MGAT5: variants seen among roughly 807,000 people sequenced by gnomAD.
MGAT5 encodes alpha-1,6-mannosylglycoprotein 6-beta-N-acetylglucosaminyltransferase A.
Under a neutral mutation model 94.3 loss-of-function variants are expected in MGAT5, and 30 were observed. That is an observed-to-expected ratio of 0.32 (90% CI 0.24 to 0.43). The LOEUF (loss-of-function observed/expected upper bound fraction) is 0.43, where lower values mean the gene tolerates loss of function less well. Among genes scored for constraint, MGAT5 ranks in the 20% least tolerant of loss-of-function variants. MGAT5 has a pLI of 1.00. For missense variants in MGAT5, 691 were observed against 905.5 expected, an observed-to-expected ratio of 0.76 and a Z score of 3.04; for synonymous variants, 310 against 322.9, an observed-to-expected ratio of 0.96 and a Z score of 0.43.
chr2:134,248,908 G>C (rs899457074), intron 1 of MGAT5, among the ~76,000 whole-genome samples: 1 of 152,136 alleles, frequency 6.6e-6, no homozygotes, highest in Non-Finnish European at 1.5e-5. Flanking sequence ...CACTCCATTG[G>C]AACTGGGCTG....
chr2:134,191,462 C>A (rs1679147179), intron 1 of MGAT5, among the ~76,000 whole-genome samples: 1 of 152,130 alleles, frequency 6.6e-6, no homozygotes, highest in Non-Finnish European at 1.5e-5. Context: ...CCCCCTACCC[C>A]CCCCACCAGC....
chr2:134,315,252 G>A (rs1320091803), intron 2 of MGAT5, among the ~76,000 whole-genome samples: 1 of 152,042 alleles, frequency 6.6e-6, no homozygotes, highest in Non-Finnish European at 1.5e-5. Context: ...GTGTAAAGGG[G>A]GTGGCATTTC....
intron 4 of MGAT5, chr2:134,320,027 A>G (rs1190453368): frequency 5.0e-6 from 1 of 199,810 alleles, no homozygotes; most frequent in Non-Finnish European, 1.0e-5. Flanking sequence ...CAGCCTGCAT[A>G]GGATCAAAGC....
intron 15 of MGAT5, among the ~76,000 whole-genome samples, chr2:134,445,204 C>T (rs180885491): frequency 2.2e-4 from 34 of 152,304 alleles, no homozygotes; most frequent in Admixed American, 1.9e-3. Context: ...CTCAGCCCCG[C>T]ACCATGTTGC....
chr2:134,286,783 A>G (rs994475676), intron 2 of MGAT5, among the ~76,000 whole-genome samples: 1 of 152,174 alleles, frequency 6.6e-6, no homozygotes, highest in Non-Finnish European at 1.5e-5. Context: ...CATTCGTTGC[A>G]TATAAAATTC....
chr2:134,322,999 T>G (rs1211302745), intron 4 of MGAT5, among the ~76,000 whole-genome samples: 2 of 152,176 alleles, frequency 1.3e-5, no homozygotes, highest in Non-Finnish European at 2.9e-5. Flanking sequence ...AGTCAGTCAC[T>G]AGTGGAATTG....
chr2:134,159,619 G>A (rs1016457499), intron 1 of MGAT5, among the ~76,000 whole-genome samples: 12 of 152,170 alleles, frequency 7.9e-5, no homozygotes, highest in African/African-American at 2.9e-4. Flanking sequence ...GGAGGCTGAG[G>A]CAGGTGGATT....
chr2:134,121,210 G>T (rs1258444472), intron 1 of MGAT5, among the ~76,000 whole-genome samples: 1 of 152,212 alleles, frequency 6.6e-6, no homozygotes, highest in Non-Finnish European at 1.5e-5. Context: ...TCACAGCCGG[G>T]ATTGGGGGCG....
At chr2:134,410,742 C>T (rs950781348) in intron 11 of MGAT5, among the ~76,000 whole-genome samples, 3 of 152,184 alleles carry the variant, frequency 2.0e-5, no homozygotes, top group African/African-American at 7.2e-5. Context: ...CTTGCATTTC[C>T]TCCAAAGCTG....
At chr2:134,442,490 A>G (rs929043197) in intron 15 of MGAT5, among the ~76,000 whole-genome samples, 3 of 152,142 alleles carry the variant, frequency 2.0e-5, no homozygotes, top group Non-Finnish European at 4.4e-5. Context: ...TCACTGACAC[A>G]TGGTGCATCT....
chr2:134,235,687 G>A (rs776032620), intron 1 of MGAT5, among the ~76,000 whole-genome samples: 1 of 151,144 alleles, frequency 6.6e-6, no homozygotes, highest in Non-Finnish European at 1.5e-5. Flanking sequence ...AGATCCTGCT[G>A]TACTGCTGTA....
intron 4 of MGAT5, among the ~76,000 whole-genome samples, chr2:134,331,944 T>C (rs903354449): frequency 4.6e-5 from 7 of 151,604 alleles, no homozygotes; most frequent in Admixed American, 1.3e-4. Flanking sequence ...GAACATTCCA[T>C]GCTCATGGGT....
chr2:134,352,864 T>C (rs1679469984), intron 9 of MGAT5, among the ~76,000 whole-genome samples: 1 of 152,176 alleles, frequency 6.6e-6, no homozygotes, highest in Non-Finnish European at 1.5e-5. Context: ...TGGAATATTA[T>C]TTAGCCTTAA....
chr2:134,237,155 G>T (rs950808717), intron 1 of MGAT5, among the ~76,000 whole-genome samples: 4 of 152,134 alleles, frequency 2.6e-5, no homozygotes, highest in Non-Finnish European at 5.9e-5. Flanking sequence ...GTGTGCGCGT[G>T]TGTGTGAATT....
chr2:134,318,769 A>C, intron 4 of MGAT5, 30 bp downstream of exon 4: 1 of 1,488,414 alleles, frequency 6.7e-7, no homozygotes, highest in Non-Finnish European at 9.4e-7. Flanking sequence ...TCCTGGGGGT[A>C]GATGTGACTG....
intron 1 of MGAT5, among the ~76,000 whole-genome samples, chr2:134,204,168 A>T (rs1407914606): frequency 4.6e-5 from 7 of 152,094 alleles, no homozygotes. Context: ...CGCTCATTTC[A>T]TGCATCCTGG....
intron 3 of MGAT5, 140 bp downstream of exon 3, chr2:134,317,745 G>T: frequency 1.9e-6 from 1 of 518,326 alleles, no homozygotes; most frequent in Non-Finnish European, 3.2e-6. Flanking sequence ...CATCCTGCCG[G>T]CTTTGTCTGT....
chr2:134,356,105 T>C (rs1346575922), intron 9 of MGAT5, among the ~76,000 whole-genome samples: 2 of 152,238 alleles, frequency 1.3e-5, no homozygotes, highest in African/African-American at 4.8e-5. Context: ...TTGGCTATCA[T>C]TCACAATGTG....
intron 10 of MGAT5, among the ~76,000 whole-genome samples, chr2:134,382,280 AG>A (rs1681678631): frequency 6.6e-6 from 1 of 152,060 alleles, no homozygotes; most frequent in Non-Finnish European, 1.5e-5. Context: ...CCTAGTGCCC[AG>A]GCCCAGCTCC....
Sources: allele counts gnomAD v4.1 joint callset (sites outside exome capture counted in the v4.1 genomes callset), GRCh38; gene constraint gnomAD v4.1.1; transcripts MANE v1.5; gene names NCBI Gene and HGNC (gene_info 2026-07-23, HGNC 2026-07-21).